The following ITIH4 variants were observed in gnomAD, a reference collection of about 807,000 sequenced individuals.
The protein encoded by ITIH4 is inter-alpha-trypsin inhibitor heavy chain H4.
ITIH4 carries 79 observed loss-of-function variants against 111.8 expected under a neutral mutation model. That is an observed-to-expected ratio of 0.71 (90% CI 0.59 to 0.85). The LOEUF (loss-of-function observed/expected upper bound fraction) is 0.85. Ranked by LOEUF, ITIH4 falls within the 40% of genes least tolerant of loss-of-function variation. The pLI is 0.00. For synonymous variants in ITIH4, 472 were observed against 468.3 expected (o/e 1.01, Z -0.10); for missense variants, 1,065 against 1,195.8 (o/e 0.89, Z 1.61).
chr3:52,822,498 A>T (rs964476679), intron 11 of ITIH4, among the ~76,000 whole-genome samples: 5 of 152,226 alleles, frequency 3.3e-5, no homozygotes, highest in Non-Finnish European at 7.3e-5. Context: ...ACGGCCTCCA[A>T]GCTAAATCAC....
In ITIH4 at chr3:52,814,270, C is replaced by T. The variant is rs141684429; in HGVS notation, c.2565G>A (p.Glu855=). 175 of 1,613,984 alleles carry T rather than the reference C, an allele frequency of 1.1e-4. No individual in the cohort carries two copies. In the African/African-American group the frequency reaches 2.2e-3, roughly 20 times the overall value. ...IGLLFWDGRG[E]GLRLLLRDTD... is the part of the protein sequence containing the mutation. ...TGTCACGCAGAAGGAGCCGGAGCCC[C>T]TCCCCACGGCCATCCCAGAACAACA... The change falls in exon 22 of 24, where the codon GAG becomes GAA. Residue 855 remains glutamate (E), a synonymous_variant. Transcript: ENST00000266041.
chr3:52,820,024 C>T (rs1211554130), intron 14 of ITIH4, 34 bp from the exon 15 acceptor site: 1 of 1,606,314 alleles, frequency 6.2e-7, no homozygotes, highest in South Asian at 1.1e-5. Flanking sequence ...TTGCATCTTG[C>T]ACCCACCTTC....
Position 52,814,432 on chromosome 3 carries a change from G to A in ITIH4, c.2472-69C>T, listed in dbSNP as rs1700243674. On this transcript the variant is annotated intron_variant, in intron 21 of 23. Transcript: ENST00000266041. Reference sequence around the variant, plus strand: ...TGCACAGAACCTCAGTAGTCAGGGTGGGGAGTGGGCTGGGCTTCCCCTCTT... The same window carrying A: ...TGCACAGAACCTCAGTAGTCAGGGTAGGGAGTGGGCTGGGCTTCCCCTCTT... 4.9e-6 allele frequency: 7 copies of A among 1,425,490 alleles called. No homozygotes were observed. In the African/African-American group the frequency reaches 5.6e-5, roughly 11 times the overall value. 88.3% of individuals were successfully genotyped at this position (1,425,490 alleles called of 1,614,324 possible).
chr3:52,828,586 G>T (rs928356936), intron 2 of ITIH4, among the ~76,000 whole-genome samples: 4 of 152,164 alleles, frequency 2.6e-5, no homozygotes, highest in African/African-American at 9.7e-5. Flanking sequence ...GGTAGGGGAG[G>T]GTGGCAGAGG....
At chr3:52,818,430 T>G in intron 18 of ITIH4, 32 bp downstream of exon 18, 2 of 1,584,694 alleles carry the variant, frequency 1.3e-6, no homozygotes. Context: ...AGGATCCCCC[T>G]GTTAGGACAG....
chr3:52,818,570 C>T, intron 17 of ITIH4, 34 bp from the exon 18 acceptor site: 4 of 1,566,480 alleles, frequency 2.6e-6, no homozygotes, highest in Non-Finnish European at 3.5e-6. Flanking sequence ...AGAAAGGGAG[C>T]AGGAAGGCAG....
intron 16 of ITIH4, 89 bp downstream of exon 16, chr3:52,819,665 C>T: frequency 1.3e-6 from 2 of 1,573,788 alleles, no homozygotes; most frequent in Non-Finnish European, 1.7e-6. Context: ...GCCTCTCCCC[C>T]AACAGCTGGG....
At chr3:52,816,413 C>T (rs1246842794) in intron 21 of ITIH4, among the ~76,000 whole-genome samples, 1 of 152,224 alleles carries the variant, frequency 6.6e-6, no homozygotes, top group Non-Finnish European at 1.5e-5. Flanking sequence ...CAGCTTCTCA[C>T]TATTGTCATC....
At position 52,813,214 on chromosome 3, in the gene ITIH4, C is replaced by G. The variant is rs117681659; in HGVS notation, c.*207G>C. On this transcript the variant is annotated 3_prime_UTR_variant, in exon 24 of 24. Coordinates refer to ENST00000266041, the MANE Select transcript of ITIH4 (RefSeq NM_002218.5). ...TGACAGTGGAAGCTTCTGTGTTCCA[C>G]GATGCTAAGGTTCAGGATGCGAGGT... The G allele has an allele frequency of 1.8e-6, 1 of 571,168 alleles. No individual in the cohort carries two copies. 35.4% of individuals were successfully genotyped at this position (571,168 alleles called of 1,614,324 possible).
Position 52,820,646 on chromosome 3 carries a change from T to C in ITIH4, c.1819A>G (p.Lys607Glu), listed in dbSNP as rs374743160. The change falls in exon 13 of 24, where the codon AAG becomes GAG. Residue 607 changes from lysine to glutamate, a missense_variant. Transcript: ENST00000266041. Reference protein sequence around the residue: ...DDQEQSQVAEKPMEGESRNRN... With the variant: ...DDQEQSQVAEEPMEGESRNRN... ...CCACACCCACCGCCTTCCATGGGCT[T>C]CTCAGCAACTTGAGACTGCTCTTGG... 5.0e-6 allele frequency: 8 copies of C among 1,611,306 alleles called. No homozygotes were observed. In the African/African-American group the frequency reaches 5.3e-5, roughly 11 times the overall value.
At position 52,821,498 on chromosome 3, in the gene ITIH4, G is replaced by A. The variant is rs189154656; in HGVS notation, c.1540-368C>T. ...GTGGAGCAGGAAGGGTCTAGCTACAGCCTGCCCTTACCCCCAAAGCTGAGG... is the reference window on the plus strand; with the variant it reads ...GTGGAGCAGGAAGGGTCTAGCTACAACCTGCCCTTACCCCCAAAGCTGAGG... On this transcript the variant is annotated intron_variant, in intron 11 of 23. Coordinates refer to ENST00000266041, the MANE Select transcript of ITIH4 (RefSeq NM_002218.5). Among the ~76,000 whole-genome samples the A allele has an allele frequency of 8.5e-4, 130 of 152,286 alleles. 1 individual carries two copies. Among genetic ancestry groups the A allele is most frequent in the Non-Finnish European group, 1.4e-3 (98 of 68,030 alleles).
chr3:52,827,205 C>T lies in ITIH4; in HGVS notation c.252-8G>A. On this transcript the variant is annotated splice_polypyrimidine_tract_variant and splice_region_variant and intron_variant, in intron 2 of 23. Transcript: ENST00000266041. Reference sequence around the variant, plus strand: ...GTCATGCCATCGATGATCCTGGGGGCAGAAGGGTGGGAGTTGTTGAGAGCC... The same window carrying T: ...GTCATGCCATCGATGATCCTGGGGGTAGAAGGGTGGGAGTTGTTGAGAGCC... 2 of 1,609,844 alleles carry T rather than the reference C, an allele frequency of 1.2e-6. No individual in the cohort carries two copies. The highest frequency in any genetic ancestry group is 1.7e-6 in the Non-Finnish European group (2 of 1,176,228).
At chr3:52,816,142 G>C (rs1295523029) in intron 21 of ITIH4, among the ~76,000 whole-genome samples, 3 of 152,238 alleles carry the variant, frequency 2.0e-5, no homozygotes, top group African/African-American at 7.2e-5. Context: ...CTGTGGCACA[G>C]GGTGGGGGCT....
At chr3:52,814,415 A>G in intron 21 of ITIH4, 52 bp from the exon 22 acceptor site, 3 of 1,534,786 alleles carry the variant, frequency 2.0e-6, no homozygotes, top group Non-Finnish European at 2.7e-6. Context: ...TGTGCACAGA[A>G]CCTCAGTAGT....
chr3:52,824,092 G>A lies in ITIH4; in HGVS notation c.1172-88C>T. 6.4e-7 allele frequency: 1 copy of A among 1,563,622 alleles called. No individual in the cohort carries two copies. Among genetic ancestry groups the A allele is most frequent in the South Asian group, 1.2e-5 (1 of 84,836 alleles). ...AACCTCAGAGCCGAGGGGCCTCAGT[G>A]ACCCCCTCTCCCTGCCCAGATCCCA... On this transcript the variant is annotated intron_variant, in intron 9 of 23. Transcript: ENST00000266041. This position sits in a 1 kb window ranked among gnomAD's most constrained non-coding sequence, Gnocchi z 4.3.
chr3:52,826,954 C>T lies in ITIH4; in HGVS notation c.357-1G>A, dbSNP rs771757189. Reference sequence around the variant, plus strand: ...CTGCTCCATGTTTCTCCCGGTGGCCCTGGGGGAGAAGGGCATCAGGCCTGC... The same window carrying T: ...CTGCTCCATGTTTCTCCCGGTGGCCTTGGGGGAGAAGGGCATCAGGCCTGC... On this transcript the variant is annotated splice_acceptor_variant, in intron 3 of 23. Coordinates refer to ENST00000266041, the MANE Select transcript of ITIH4 (RefSeq NM_002218.5). LOFTEE classifies it high-confidence loss of function. The T allele has an allele frequency of 1.9e-6, 3 of 1,613,982 alleles. No individual in the cohort carries two copies. The African/African-American group carries it at 4.0e-5, about 22-fold the overall frequency.
Position 52,819,785 on chromosome 3 carries a change from G to C in ITIH4, c.1920C>G (p.Ser640=). 3 of 1,614,100 alleles carry C rather than the reference G, an allele frequency of 1.9e-6. No homozygotes were observed. The highest frequency in any genetic ancestry group is 2.5e-6 in the Non-Finnish European group (3 of 1,180,010). The change falls in exon 16 of 24, where the codon TCC becomes TCG. Residue 640 remains serine (S), a synonymous_variant. Transcript: ENST00000266041. ...QGAKIPKPEA[S]FSPRRGWNRQ... is the part of the protein sequence containing the mutation. ...TATTCCATCCTCTTCTTGGAGAAAAGGAAGCCTCTGTGTGGTCAAGTCCTG... is the reference window on the plus strand; with the variant it reads ...TATTCCATCCTCTTCTTGGAGAAAACGAAGCCTCTGTGTGGTCAAGTCCTG...
At chr3:52,823,292 G>A (rs1023733578) in intron 11 of ITIH4, 10 of 463,972 alleles carry the variant, frequency 2.2e-5, no homozygotes, top group African/African-American at 1.8e-4. Flanking sequence ...TGTGGTACCA[G>A]GACAGGAAGG....
At position 52,816,939 on chromosome 3, in the gene ITIH4, T is replaced by G. The variant is rs773758377; in HGVS notation, c.2416A>C (p.Asn806His). Residue 806 changes from asparagine (N) to histidine (H), a missense_variant, in exon 21 of 24, where the codon AAC becomes CAC. Physicochemically the swap from Asn to His is moderately conservative, Grantham distance 68 (BLOSUM62 1). Transcript: ENST00000266041. ...ASPEHVVVTR[N>H]RRSSAYKWKE... is the part of the protein sequence containing the mutation. ...CACTTGTACGCAGAGCTTCTTCGGT[T>G]CCGAGTCACCACCACGTGTTCAGGG... is the stretch of plus-strand genomic sequence containing the variant. The G allele has an allele frequency of 1.2e-6, 2 of 1,614,038 alleles. No individual in the cohort carries two copies. Among genetic ancestry groups the G allele is most frequent in the Non-Finnish European group, 1.7e-6 (2 of 1,179,972 alleles).
Sources: allele counts gnomAD v4.1 joint callset (sites outside exome capture counted in the v4.1 genomes callset), GRCh38; gene constraint gnomAD v4.1.1; non-coding constraint Gnocchi (gnomAD v3.1); transcripts MANE v1.5; gene names NCBI Gene and HGNC (gene_info 2026-07-23, HGNC 2026-07-21).